Variants in SASH1 observed in about 807,000 individuals in gnomAD.
SASH1 encodes the protein SAM and SH3 domain-containing protein 1.
In SASH1, 44 loss-of-function variants were observed where a neutral mutation model predicts 125.2. That is an observed-to-expected ratio of 0.35 (90% CI 0.28 to 0.45). The LOEUF (loss-of-function observed/expected upper bound fraction) is 0.45. Among genes scored for constraint, SASH1 ranks in the 20% least tolerant of loss-of-function variants. SASH1 has a pLI of 1.00. For synonymous variants in SASH1, 639 were observed against 649.1 expected, an observed-to-expected ratio of 0.98 and a Z score of 0.24; for missense variants, 1,426 against 1,614.5, an observed-to-expected ratio of 0.88 and a Z score of 2.00.
chr6:148,468,713 G>A, intron 5 of SASH1, 128 bp downstream of exon 5: 2 of 611,438 alleles, frequency 3.3e-6, no homozygotes, highest in Non-Finnish European at 5.6e-6. Flanking sequence ...AGATTTTGAT[G>A]TACATCCTTA....
chr6:148,402,137 A>G (rs1784193271), intron 2 of SASH1, among the ~76,000 whole-genome samples: 2 of 152,206 alleles, frequency 1.3e-5, no homozygotes, highest in African/African-American at 2.4e-5. Flanking sequence ...ATAATTATCA[A>G]TTAAGCTATT....
At chr6:148,321,220 C>T (rs138355206) in intron 1 of SASH1, among the ~76,000 whole-genome samples, 2,119 of 137,050 alleles carry the variant, frequency 0.015, 42 homozygotes, top group African/African-American at 0.052. Context: ...GGTGAAACAC[C>T]ATCTCTACTA....
At chr6:148,397,471 T>C (rs1007337776) in intron 2 of SASH1, among the ~76,000 whole-genome samples, 2 of 152,060 alleles carry the variant, frequency 1.3e-5, no homozygotes, top group Admixed American at 1.3e-4. Flanking sequence ...GGTGACAGAG[T>C]GAGACTCCGT....
At chr6:148,426,073 G>A (rs1775810656) in intron 2 of SASH1, among the ~76,000 whole-genome samples, 1 of 152,002 alleles carries the variant, frequency 6.6e-6, no homozygotes, top group Non-Finnish European at 1.5e-5. Context: ...GCTGGGTGTG[G>A]TGGCACACGC....
intron 2 of SASH1, among the ~76,000 whole-genome samples, chr6:148,396,025 C>T (rs1224648378): frequency 6.6e-6 from 1 of 152,172 alleles, no homozygotes; most frequent in African/African-American, 2.4e-5. Context: ...TGATGACATA[C>T]TCATCAGCAG....
Position 148,487,724 on chromosome 6 carries a change from A to C in SASH1, c.729+9A>C. ...GCTCATCAAACTGCAATGTGAGTTTATCATGTCTTTGACATCTTGATCACC... is the reference window on the plus strand; with the variant it reads ...GCTCATCAAACTGCAATGTGAGTTTCTCATGTCTTTGACATCTTGATCACC... On this transcript the variant is annotated intron_variant, in intron 8 of 19. Coordinates refer to ENST00000367467, the MANE Select transcript of SASH1 (RefSeq NM_015278.5). The C allele has an allele frequency of 6.3e-7, 1 of 1,584,576 alleles. No homozygotes were observed. The highest frequency in any genetic ancestry group is 8.7e-7 in the Non-Finnish European group (1 of 1,153,612).
rs199747640 is a variant in SASH1 at position 148,529,251 on chromosome 6, C to T, written c.1428+1655C>T. On this transcript the variant is annotated intron_variant, in intron 12 of 19. Coordinates refer to ENST00000367467, the MANE Select transcript of SASH1 (RefSeq NM_015278.5). The surrounding 1 kb of genome is among the most constrained non-coding windows in gnomAD (Gnocchi z 4.2). ...TGATCTAGAGGATAGAGGCCAGGGA[C>T]GCTGCCAAACATCTTAGCATGCACA... is the stretch of plus-strand genomic sequence containing the variant. 4.6e-5 allele frequency among the ~76,000 whole-genome samples: 7 copies of T among 152,250 alleles called. No individual in the cohort carries two copies. Among genetic ancestry groups the T allele is most frequent in the East Asian group, 1.9e-4 (1 of 5,182 alleles).
rs79419326 is a variant in SASH1 at position 148,472,590 on chromosome 6, G to T, written c.514+1087G>T. On this transcript the variant is annotated intron_variant, in intron 6 of 19. Coordinates refer to ENST00000367467, the MANE Select transcript of SASH1 (RefSeq NM_015278.5). ...CCCATCACCCACTCTGCCATTTGCG[G>T]TGACACAGATAGTAAAATGAATCAA... Among the ~76,000 whole-genome samples the T allele has an allele frequency of 3.8e-3, 579 of 152,272 alleles. 5 individuals carry two copies. Among genetic ancestry groups the T allele is most frequent in the African/African-American group, 0.013 (535 of 41,560 alleles).
chr6:148,247,264 TC>T, the SASH1 span, among the ~76,000 whole-genome samples: 356 of 152,278 alleles, frequency 2.3e-3, 1 homozygote, highest in African/African-American at 7.8e-3. Context: ...ATCCTTAAGT[TC>T]AAGGTTCAGC....
intron 1 of SASH1, among the ~76,000 whole-genome samples, chr6:148,349,084 C>T (rs898519724): frequency 5.9e-5 from 9 of 151,976 alleles, no homozygotes; most frequent in African/African-American, 2.2e-4. Flanking sequence ...CCCTTCCCCA[C>T]AGAGCAAAGA....
chr6:148,548,760 G>C lies in SASH1; in HGVS notation c.*202G>C, dbSNP rs951512369. On this transcript the variant is annotated 3_prime_UTR_variant, in exon 20 of 20. Coordinates refer to ENST00000367467, the MANE Select transcript of SASH1 (RefSeq NM_015278.5). ...CCCCCTCGAGGAAATAAATTAGTGC[G>C]GTTCTCTTTGACCCCCAAAGACAAG... The C allele has an allele frequency of 1.9e-6, 1 of 528,868 alleles. No homozygotes were observed. Among genetic ancestry groups the C allele is most frequent in the African/African-American group, 1.9e-5 (1 of 52,302 alleles). The allele number at this position is 528,868 out of a possible 1,614,324, so 32.8% of individuals were successfully genotyped here.
rs1781397530 is a variant in SASH1 at position 148,343,172 on chromosome 6, T to C, written c.105T>C (p.Ala35=). The change falls in exon 1 of 20, where the codon GCT becomes GCC. Residue 35 remains alanine (A), a synonymous_variant. Transcript: ENST00000367467. ...CGGAACCGGAGCCCAAGCCGGGTGC[T>C]GGCACATCCGAGGCGTTCTCCCGAC... The part of the protein sequence containing the change: ...PEPEPEPKPG[A]GTSEAFSRLW... 1.2e-6 allele frequency: 2 copies of C among 1,600,282 alleles called. No homozygotes were observed. Among genetic ancestry groups the C allele is most frequent in the African/African-American group, 1.3e-5 (1 of 74,816 alleles).
intron 1 of SASH1, among the ~76,000 whole-genome samples, chr6:148,314,023 C>G (rs1450327320): frequency 2.0e-5 from 3 of 152,124 alleles, no homozygotes; most frequent in African/African-American, 7.2e-5. Flanking sequence ...AGGTTGCATT[C>G]AATTTACACC....
chr6:148,508,746 G>A (rs1779945111), intron 8 of SASH1: 2 of 1,255,414 alleles, frequency 1.6e-6, no homozygotes, highest in Non-Finnish European at 1.0e-6. Context: ...TGTTCCAGGA[G>A]TGCCTAATCT....
At chr6:148,518,582 TC>T (rs1302628487) in intron 9 of SASH1, among the ~76,000 whole-genome samples, 1 of 152,138 alleles carries the variant, frequency 6.6e-6, no homozygotes, top group African/African-American at 2.4e-5. Context: ...ATCCTTCTGT[TC>T]CAAGGAACTT....
chr6:148,486,126 C>CCTTT (rs1396133444), intron 7 of SASH1, among the ~76,000 whole-genome samples: 2 of 152,188 alleles, frequency 1.3e-5, no homozygotes, highest in East Asian at 3.9e-4. Flanking sequence ...GCCTTTCTTT[C>CCTTT]CTTTCTTTCT....
In SASH1 at chr6:148,315,495, A is replaced by G. The variant is rs373762717; in HGVS notation, n.74+43118A>G. 1.9e-4 allele frequency among the ~76,000 whole-genome samples: 29 copies of G among 152,328 alleles called. No individual in the cohort carries two copies. In the East Asian group the frequency reaches 4.0e-3, roughly 21 times the overall value. On this transcript the variant is annotated intron_variant and non_coding_transcript_variant, in intron 1 of 3. Coordinates refer to the SASH1 transcript ENST00000367469. The stretch of plus-strand genomic sequence containing the variant: ...CCTTGATGAATCTTTAAAAGACCGT[A>G]CTTTTTTATGATGCAGGTAACCCCG...
chr6:148,509,606 G>C lies in SASH1; in HGVS notation c.730-4718G>C, dbSNP rs781459600. On this transcript the variant is annotated intron_variant, in intron 8 of 19. Coordinates refer to ENST00000367467, the MANE Select transcript of SASH1 (RefSeq NM_015278.5). ...GTTTTAACCTTTATTACAGCATATT[G>C]CCATTGTGCTTGCACAACTGTGCCA... 2.4e-4 allele frequency among the ~76,000 whole-genome samples: 37 copies of C among 152,278 alleles called. No homozygotes were observed. The Middle Eastern group carries it at 0.01, about 42-fold the overall frequency.
chr6:148,277,995 G>A (rs941710669), intron 1 of SASH1, among the ~76,000 whole-genome samples: 2 of 151,998 alleles, frequency 1.3e-5, no homozygotes, highest in Admixed American at 6.6e-5. Context: ...GATTGCAGGC[G>A]TGAGCCACTG....
Sources: allele counts gnomAD v4.1 joint callset (sites outside exome capture counted in the v4.1 genomes callset), GRCh38; gene constraint gnomAD v4.1.1; non-coding constraint Gnocchi (gnomAD v3.1); transcripts MANE v1.5; gene names NCBI Gene and HGNC (gene_info 2026-07-23, HGNC 2026-07-21).